PPP4R2: variants seen among roughly 807,000 people sequenced by gnomAD.
The protein encoded by PPP4R2 is protein phosphatase 4 regulatory subunit 2.
Under a neutral mutation model 47.2 loss-of-function variants are expected in PPP4R2, and 13 were observed. That is an observed-to-expected ratio of 0.28 (90% confidence interval 0.18 to 0.44). The LOEUF is 0.44. Among genes scored for constraint, PPP4R2 ranks in the 20% least tolerant of loss-of-function variants. The pLI is 1.00. For synonymous variants in PPP4R2, 151 were observed against 163.3 expected (o/e 0.92, Z 0.57); for missense variants, 421 against 491.2 (o/e 0.86, Z 1.35).
chr3:73,050,404 A>G (rs902457450), intron 3 of PPP4R2, among the ~76,000 whole-genome samples: 2 of 151,572 alleles, frequency 1.3e-5, no homozygotes, highest in Non-Finnish European at 2.9e-5. Flanking sequence ...GTATTTTAAT[A>G]TATTGGTATG....
At chr3:73,042,802 C>A (rs956570840) in intron 2 of PPP4R2, among the ~76,000 whole-genome samples, 1 of 152,104 alleles carries the variant, frequency 6.6e-6, no homozygotes, top group Admixed American at 6.5e-5. Flanking sequence ...ACTTGAATTG[C>A]ATCGTATTGA....
intron 2 of PPP4R2, among the ~76,000 whole-genome samples, chr3:73,012,753 G>A (rs1349633135): frequency 6.6e-6 from 1 of 152,142 alleles, no homozygotes; most frequent in African/African-American, 2.4e-5. Flanking sequence ...TGTTGTCTAT[G>A]GTGATTTCCA....
Position 73,062,625 on chromosome 3 carries a change from G to C in PPP4R2, c.420-1048G>C, listed in dbSNP as rs757842781. ...CTTTATTGCCCTTGAGAAGTCATCA[G>C]TTCTCCGCCACTGCTGTGACCTTTT... On this transcript the variant is annotated intron_variant, in intron 5 of 8. Coordinates refer to ENST00000356692, the MANE Select transcript of PPP4R2 (RefSeq NM_174907.4). 6.2e-7 allele frequency: 1 copy of C among 1,613,992 alleles called. No individual in the cohort carries two copies.
intron 2 of PPP4R2, among the ~76,000 whole-genome samples, chr3:73,027,561 TATTC>T (rs928678033): frequency 6.6e-6 from 1 of 152,184 alleles, no homozygotes; most frequent in African/African-American, 2.4e-5. Flanking sequence ...GGCTTCAGGA[TATTC>T]ATTTATTCAA....
At chr3:73,041,861 C>G (rs939138605) in intron 2 of PPP4R2, among the ~76,000 whole-genome samples, 1 of 152,194 alleles carries the variant, frequency 6.6e-6, no homozygotes, top group Non-Finnish European at 1.5e-5. Flanking sequence ...TGGAAAATAC[C>G]TTTAGCCTTT....
intron 2 of PPP4R2, among the ~76,000 whole-genome samples, chr3:73,025,036 C>T (rs150925781): frequency 9.2e-5 from 14 of 152,212 alleles, no homozygotes; most frequent in Non-Finnish European, 2.1e-4. Flanking sequence ...TTCCATATTT[C>T]ACATTTTTGG....
At chr3:73,054,568 A>T (rs903338796) in intron 3 of PPP4R2, among the ~76,000 whole-genome samples, 3 of 152,228 alleles carry the variant, frequency 2.0e-5, no homozygotes, top group Non-Finnish European at 4.4e-5. Context: ...AAAGACAGTA[A>T]AATCCACATA....
chr3:73,022,401 T>C (rs1382087129), intron 2 of PPP4R2, among the ~76,000 whole-genome samples: 2 of 152,206 alleles, frequency 1.3e-5, no homozygotes, highest in Non-Finnish European at 2.9e-5. Context: ...AAACAATTAT[T>C]ACTTTTGTTA....
At chr3:73,009,495 C>G (rs1701679839) in intron 2 of PPP4R2, among the ~76,000 whole-genome samples, 2 of 152,144 alleles carry the variant, frequency 1.3e-5, no homozygotes, top group Admixed American at 1.3e-4. Flanking sequence ...ATCTACAGAT[C>G]CACTTAGTGT....
intron 2 of PPP4R2, among the ~76,000 whole-genome samples, chr3:73,042,721 T>G (rs1352781882): frequency 6.6e-6 from 1 of 152,152 alleles, no homozygotes; most frequent in East Asian, 1.9e-4. Flanking sequence ...CAAATAGTTG[T>G]CCTCCATCAA....
intron 2 of PPP4R2, among the ~76,000 whole-genome samples, chr3:73,004,917 G>GTGTC (rs1553644727): frequency 1.2e-5 from 1 of 86,674 alleles, no homozygotes; most frequent in Non-Finnish European, 2.4e-5. Flanking sequence ...AGTCATGTGT[G>GTGTC]TGTGTTTGTG....
At position 72,996,876 on chromosome 3, in the gene PPP4R2, C is replaced by A; in HGVS notation, c.-162C>A. On this transcript the variant is annotated 5_prime_UTR_variant, in exon 1 of 9. Coordinates refer to ENST00000356692, the MANE Select transcript of PPP4R2 (RefSeq NM_174907.4). ...GTGCTCGCTCTGTCGGTCTTGCTCT[C>A]TCGCACGCTTCCCCCGGCTCCCTTC... 1 of 434,426 alleles carries A rather than the reference C, an allele frequency of 2.3e-6. No individual in the cohort carries two copies. Among genetic ancestry groups the A allele is most frequent in the Non-Finnish European group, 4.1e-6 (1 of 246,400 alleles). The allele number at this position is 434,426 out of a possible 1,614,324, so 26.9% of individuals were successfully genotyped here. A position where few individuals can be genotyped will look rare whatever the true frequency, so the allele number is the denominator to read the frequency against.
At chr3:73,047,447 A>G in intron 3 of PPP4R2, 91 bp downstream of exon 3, 1 of 756,614 alleles carries the variant, frequency 1.3e-6, no homozygotes, top group Non-Finnish European at 2.0e-6. Context: ...TTGATGATTG[A>G]TTATCCATTA....
chr3:73,050,233 G>A (rs1702583169), intron 3 of PPP4R2, among the ~76,000 whole-genome samples: 1 of 152,048 alleles, frequency 6.6e-6, no homozygotes, highest in Non-Finnish European at 1.5e-5. Context: ...CCAAAGTGCT[G>A]GGATTACAAG....
intron 3 of PPP4R2, among the ~76,000 whole-genome samples, chr3:73,058,561 G>A (rs749744639): frequency 6.6e-5 from 10 of 151,376 alleles, no homozygotes; most frequent in Non-Finnish European, 1.5e-4. Flanking sequence ...ATATTTATGG[G>A]GTACATGAGA....
At position 72,997,026 on chromosome 3, in the gene PPP4R2, C is replaced by T. The variant is rs539752319; in HGVS notation, c.-12C>T. 1.0e-5 allele frequency: 14 copies of T among 1,394,098 alleles called. No individual in the cohort carries two copies. In the South Asian group the frequency reaches 1.4e-4, roughly 14 times the overall value. The allele number at this position is 1,394,098 out of a possible 1,614,324, so 86.4% of individuals were successfully genotyped here. A position where few individuals can be genotyped will look rare whatever the true frequency, so the allele number is the denominator to read the frequency against. ...GGAGGGAGGCGGAGGCTGTGAGGGA[C>T]TCCGGGAAGCCATGGACGTCGAGAG... On this transcript the variant is annotated 5_prime_UTR_variant, in exon 1 of 9. Transcript: ENST00000356692.
intron 2 of PPP4R2, among the ~76,000 whole-genome samples, chr3:73,002,627 TTCTTTTC>T (rs1701495742): frequency 7.9e-5 from 8 of 101,024 alleles, no homozygotes; most frequent in African/African-American, 3.8e-4. Context: ...TTCTTTTCTT[TTCTTTTC>T]TTTTTTTTTT....
At position 73,069,120 on chromosome 3, in the gene PPP4R2, T is replaced by C. The variant is rs908963173; in HGVS notation, c.*3398T>C. The C allele has an allele frequency of 7.9e-5, 12 of 152,032 alleles. No homozygotes were observed. The highest frequency in any genetic ancestry group is 3.3e-4 in the Admixed American group (5 of 15,280). The allele number at this position is 152,032 out of a possible 1,614,324, so 9.4% of individuals were successfully genotyped here. A position where few individuals can be genotyped will look rare whatever the true frequency, so the allele number is the denominator to read the frequency against. ...AAAATCAGTACACTCTTCAGGATTT[T>C]CTTTTATTTCAACTTGGAGCCTAGA... is the stretch of plus-strand genomic sequence containing the variant. On this transcript the variant is annotated 3_prime_UTR_variant, in exon 9 of 9. Transcript: ENST00000356692.
chr3:73,004,872 T>C (rs1325195400), intron 2 of PPP4R2, among the ~76,000 whole-genome samples: 1 of 28,640 alleles, frequency 3.5e-5, no homozygotes, highest in Non-Finnish European at 6.2e-5. Context: ...TGTGTGTGTT[T>C]GTTTGTTTGT....
Sources: allele counts gnomAD v4.1 joint callset (sites outside exome capture counted in the v4.1 genomes callset), GRCh38; gene constraint gnomAD v4.1.1; transcripts MANE v1.5; gene names NCBI Gene and HGNC (gene_info 2026-07-23, HGNC 2026-07-21).